Variants in ITGA6 observed in about 807,000 individuals in gnomAD.
The protein encoded by ITGA6 is integrin alpha-6.
A neutral mutation model predicts 133.6 loss-of-function variants in ITGA6; 63 were observed. That is an observed-to-expected ratio of 0.47 (90% CI 0.38 to 0.58). The LOEUF (loss-of-function observed/expected upper bound fraction) is 0.58. ITGA6 is among the 20% of genes least tolerant of loss of function. ITGA6 has a pLI of 0.00. For synonymous variants in ITGA6, 434 were observed against 482.0 expected, an observed-to-expected ratio of 0.90 and a Z score of 1.30; for missense variants, 1,068 against 1,309.4, an observed-to-expected ratio of 0.82 and a Z score of 2.85.
At chr2:172,484,639 C>T (rs566676379) in intron 11 of ITGA6, 143 bp from the exon 12 acceptor site, 2 of 721,958 alleles carry the variant, frequency 2.8e-6, no homozygotes, top group Admixed American at 4.3e-5. Flanking sequence ...CACAATTGTG[C>T]AAATGCATAT....
In ITGA6 at chr2:172,487,555, G is replaced by T; in HGVS notation, c.2169G>T (p.Gln723His). The change falls in exon 16 of 26, where the codon CAG becomes CAT. Residue 723 changes from glutamine to histidine, a missense_variant. This residue lies in a region of ITGA6 where 609 missense variants were observed against 707.2 expected (regional missense o/e 0.86). Transcript: ENST00000684293. ...GTGTGTTTCTTTTACAGGAGAAACA[G>T]TTGAGTTGTGTTGCCAACCAGAATG... ...YRELRAFPEK[Q>H]LSCVANQNGS... 1 of 1,614,128 alleles carries T rather than the reference G, an allele frequency of 6.2e-7. No individual in the cohort carries two copies. The highest frequency in any genetic ancestry group is 8.5e-7 in the Non-Finnish European group (1 of 1,179,956).
At chr2:172,466,242 C>G (rs1168311783) in intron 2 of ITGA6, among the ~76,000 whole-genome samples, 7 of 152,160 alleles carry the variant, frequency 4.6e-5, no homozygotes, top group Non-Finnish European at 8.8e-5. Flanking sequence ...GAAGCTCTAG[C>G]CAAACCTCGT....
At chr2:172,489,413 G>C in intron 19 of ITGA6, 72 bp from the exon 20 acceptor site, 1 of 1,216,138 alleles carries the variant, frequency 8.2e-7, no homozygotes, top group Non-Finnish European at 1.2e-6. Flanking sequence ...TCTTTCTCTT[G>C]GTAAAAGGAG....
In ITGA6 at chr2:172,491,156, A is replaced by G; in HGVS notation, c.2778+34A>G. On this transcript the variant is annotated intron_variant, in intron 21 of 25. Transcript: ENST00000684293. This position sits in a 1 kb window ranked among gnomAD's most constrained non-coding sequence, Gnocchi z 4.4. ...TTTTCAAGAGCTGTGAATATTTGAG[A>G]GGATGAGGGGAAGGATTTCTTCAGA... 1 of 1,409,118 alleles carries G rather than the reference A, an allele frequency of 7.1e-7. No individual in the cohort carries two copies. The highest frequency in any genetic ancestry group is 1.0e-6 in the Non-Finnish European group (1 of 993,090). 87.3% of individuals were successfully genotyped at this position (1,409,118 alleles called of 1,614,324 possible).
At position 172,488,243 on chromosome 2, in the gene ITGA6, T is replaced by C. The variant is rs759603034; in HGVS notation, c.2505+15T>C. The C allele has an allele frequency of 3.2e-6, 5 of 1,568,384 alleles. No individual in the cohort carries two copies. The highest frequency in any genetic ancestry group is 4.4e-6 in the Non-Finnish European group (5 of 1,138,616). On this transcript the variant is annotated intron_variant, in intron 19 of 25. Coordinates refer to ENST00000684293, the MANE Select transcript of ITGA6 (RefSeq NM_000210.4). ...ATGAATTCAGGGTAAGTTGGAGCAG[T>C]TGGTCTTTTCATTATACCAAAAGCT...
intron 1 of ITGA6, 175 bp from the exon 2 acceptor site, chr2:172,465,364 T>A (rs1047211617): frequency 3.9e-6 from 3 of 760,870 alleles, no homozygotes; most frequent in African/African-American, 3.4e-5. Flanking sequence ...TGTTTGTGCG[T>A]TTTGCATGAA....
intron 1 of ITGA6, among the ~76,000 whole-genome samples, chr2:172,454,112 G>T (rs1464515563): frequency 6.7e-6 from 1 of 148,430 alleles, no homozygotes; most frequent in Non-Finnish European, 1.5e-5. Context: ...TTGAGATGGA[G>T]TCTCACTCTT....
At chr2:172,447,971 T>C (rs1318854048) in intron 1 of ITGA6, among the ~76,000 whole-genome samples, 6 of 152,170 alleles carry the variant, frequency 3.9e-5, no homozygotes, top group South Asian at 4.1e-4. Context: ...GACACACCCA[T>C]AGTAAAGTCC....
chr2:172,437,102 G>A (rs1171989491), intron 1 of ITGA6, among the ~76,000 whole-genome samples: 1 of 152,212 alleles, frequency 6.6e-6, no homozygotes, highest in African/African-American at 2.4e-5. Context: ...AAAGCAGTGA[G>A]TCTCCTTGGA....
intron 1 of ITGA6, chr2:172,465,060 T>C (rs1488810955): frequency 5.1e-6 from 1 of 195,194 alleles, no homozygotes; most frequent in East Asian, 1.2e-4. Flanking sequence ...ATCTAAGATA[T>C]AGTCAGAATT....
chr2:172,505,951 C>A lies in ITGA6; in HGVS notation c.*1883C>A, dbSNP rs561905909. ...CTGATACTTTGACAGTGTTTTTAGA[C>A]CTGTGTTACTAAAAAAAAGATGAAT... On this transcript the variant is annotated 3_prime_UTR_variant, in exon 26 of 26. Coordinates refer to ENST00000684293, the MANE Select transcript of ITGA6 (RefSeq NM_000210.4). 1.3e-5 allele frequency: 2 copies of A among 151,830 alleles called. No homozygotes were observed. The highest frequency in any genetic ancestry group is 4.0e-4 in the East Asian group (2 of 4,984). The allele number at this position is 151,830 out of a possible 1,614,324, so 9.4% of individuals were successfully genotyped here.
At chr2:172,489,693 T>G in intron 20 of ITGA6, 35 bp downstream of exon 20, 125 of 1,567,290 alleles carry the variant, frequency 8.0e-5, no homozygotes, top group Middle Eastern at 1.7e-4. Context: ...TCTCCATAAA[T>G]GCAAATTAGA....
chr2:172,431,611 C>T, intron 1 of ITGA6, among the ~76,000 whole-genome samples: 1 of 152,182 alleles, frequency 6.6e-6, no homozygotes, highest in East Asian at 1.9e-4. Flanking sequence ...GAGCTGTATT[C>T]AGGATGTGTA....
At chr2:172,458,921 A>G (rs1345283123) in intron 1 of ITGA6, among the ~76,000 whole-genome samples, 1 of 152,184 alleles carries the variant, frequency 6.6e-6, no homozygotes, top group African/African-American at 2.4e-5. Flanking sequence ...GAAGACTGCA[A>G]ATGTGACTAC....
At chr2:172,465,393 A>C (rs561909642) in intron 1 of ITGA6, 146 bp from the exon 2 acceptor site, 2 of 965,032 alleles carry the variant, frequency 2.1e-6, no homozygotes, top group Non-Finnish European at 3.3e-6. Context: ...AGGACTCTAC[A>C]TTTGTTCTCA....
At chr2:172,475,712 G>A in intron 8 of ITGA6, 27 bp downstream of exon 8, 2 of 1,242,762 alleles carry the variant, frequency 1.6e-6, no homozygotes, top group Non-Finnish European at 2.4e-6. Flanking sequence ...GATTTCTACA[G>A]CTAGAGTCTC....
chr2:172,452,011 C>CTTTTTTTTTTTTTTTTTTTTT (rs1574338994), intron 1 of ITGA6, among the ~76,000 whole-genome samples: 5 of 123,038 alleles, frequency 4.1e-5, no homozygotes, highest in African/African-American at 1.2e-4. Flanking sequence ...TTCATTTTTA[C>CTTTTTTTTTTTTTTTTTTTTT]TTTGGTAATT....
rs150313556 is a variant in ITGA6, at chr2:172,435,591, G to A, written c.182+7621G>A. ...GACCTAAGGAATCCAGCTTTGCCAC[G>A]ACACAAAACCCAAGAGTTTTGTTTC... is the stretch of plus-strand genomic sequence containing the variant. On this transcript the variant is annotated intron_variant, in intron 1 of 25. Transcript: ENST00000684293. Among the ~76,000 whole-genome samples, 1,202 of 148,088 alleles carry A rather than the reference G, an allele frequency of 8.1e-3. 15 individuals are homozygous for A. Among genetic ancestry groups the A allele is most frequent in the African/African-American group, 0.028 (1,115 of 40,024 alleles).
At position 172,493,658 on chromosome 2, in the gene ITGA6, C is replaced by G. The variant is rs548554500; in HGVS notation, c.2988+2135C>G. 2.6e-5 allele frequency among the ~76,000 whole-genome samples: 4 copies of G among 152,300 alleles called. No individual in the cohort carries two copies. In the Middle Eastern group the frequency reaches 0.01, roughly 389 times the overall value. ...ATTGTCTGACTTCAGGGCTTCTGTT[C>G]TTTGACTCTGTGGCACTTGGTCCCC... On this transcript the variant is annotated intron_variant, in intron 23 of 25. Transcript: ENST00000684293.
Sources: allele counts gnomAD v4.1 joint callset (sites outside exome capture counted in the v4.1 genomes callset), GRCh38; gene constraint gnomAD v4.1.1; regional missense constraint gnomAD v4.1.1; non-coding constraint Gnocchi (gnomAD v3.1); transcripts MANE v1.5; gene names NCBI Gene and HGNC (gene_info 2026-07-23, HGNC 2026-07-21).